The following ALKBH1 variants were observed in gnomAD, a reference collection of about 807,000 sequenced individuals.
ALKBH1 encodes the protein nucleic acid dioxygenase ALKBH1.
A neutral mutation model predicts 36.6 loss-of-function variants in ALKBH1; 31 were observed. That is an observed-to-expected ratio of 0.85 (90% CI 0.64 to 1.14). The LOEUF (loss-of-function observed/expected upper bound fraction) is 1.14, where lower values mean the gene tolerates loss of function less well. Among genes scored for constraint, ALKBH1 ranks in the 50% most tolerant of loss-of-function variants. ALKBH1 has a pLI of 0.00. For missense variants in ALKBH1, 490 were observed against 497.3 expected (o/e 0.99, Z 0.14); for synonymous variants, 183 against 186.6 (o/e 0.98, Z 0.16).
At chr14:77,678,225 T>C (rs184423279) in intron 4 of ALKBH1, among the ~76,000 whole-genome samples, 4 of 151,706 alleles carry the variant, frequency 2.6e-5, no homozygotes, top group Admixed American at 6.6e-5. Context: ...GTAGGCACTA[T>C]CATTACCGGA....
intron 3 of ALKBH1, 56 bp downstream of exon 3, chr14:77,694,682 G>T: frequency 7.3e-7 from 1 of 1,371,374 alleles, no homozygotes. Flanking sequence ...TTCCTTCAAA[G>T]ACCTGTGATG....
chr14:77,689,575 A>G (rs1184203658), intron 3 of ALKBH1, among the ~76,000 whole-genome samples: 1 of 152,190 alleles, frequency 6.6e-6, no homozygotes, highest in African/African-American at 2.4e-5. Context: ...ATATACAAAG[A>G]ACTGTGGTAA....
At chr14:77,695,224 T>C (rs2080320804) in intron 2 of ALKBH1, among the ~76,000 whole-genome samples, 1 of 152,228 alleles carries the variant, frequency 6.6e-6, no homozygotes, top group African/African-American at 2.4e-5. Flanking sequence ...CGAGACTTCT[T>C]TACCTCCCTA....
At chr14:77,686,710 G>A (rs535420496) in intron 3 of ALKBH1, among the ~76,000 whole-genome samples, 12 of 152,200 alleles carry the variant, frequency 7.9e-5, no homozygotes, top group Admixed American at 2.6e-4. Flanking sequence ...TGCAACCTCC[G>A]CCTCCTGGGT....
intron 2 of ALKBH1, among the ~76,000 whole-genome samples, chr14:77,699,201 C>A (rs2080345297): frequency 6.6e-6 from 1 of 152,132 alleles, no homozygotes; most frequent in African/African-American, 2.4e-5. Flanking sequence ...TTTGCCAAGT[C>A]CTGGCGTAGA....
At position 77,675,366 on chromosome 14, in the gene ALKBH1, G is replaced by A. The variant is rs566779630; in HGVS notation, c.740+290C>T. On this transcript the variant is annotated intron_variant, in intron 5 of 5. Coordinates refer to ENST00000216489, the MANE Select transcript of ALKBH1 (RefSeq NM_006020.3). ...GGAGAATCACTTGAAACTGGGAGGC[G>A]GAGGTTGAAGTGAGCTGAGATCAAG... Among the ~76,000 whole-genome samples the A allele has an allele frequency of 1.1e-4, 16 of 152,034 alleles. No homozygotes were observed. The East Asian group carries it at 1.7e-3, about 17-fold the overall frequency.
chr14:77,684,740 G>T (rs897936938), intron 3 of ALKBH1, among the ~76,000 whole-genome samples: 2 of 152,126 alleles, frequency 1.3e-5, no homozygotes, highest in African/African-American at 2.4e-5. Flanking sequence ...TAGAGACGGG[G>T]TCTCTCTATG....
chr14:77,696,796 G>A (rs1380412900), intron 2 of ALKBH1: 1 of 152,636 alleles, frequency 6.6e-6, no homozygotes, highest in African/African-American at 2.4e-5. Flanking sequence ...AAGATATCCT[G>A]CTGGTGGAGG....
At chr14:77,681,475 T>C (rs1443508680) in intron 3 of ALKBH1, among the ~76,000 whole-genome samples, 4 of 152,238 alleles carry the variant, frequency 2.6e-5, no homozygotes, top group Admixed American at 2.6e-4. Flanking sequence ...TCTTGATGTT[T>C]GACGAAGAGT....
Position 77,707,811 on chromosome 14 carries a change from T to A in ALKBH1, c.183+11A>T. ...GCGATGGAGAGACGCGCGCCACTCC[T>A]CTCTCTGTACCTTTTGGGCACCAGG... On this transcript the variant is annotated intron_variant, in intron 1 of 5. Coordinates refer to ENST00000216489, the MANE Select transcript of ALKBH1 (RefSeq NM_006020.3). 1 of 1,579,634 alleles carries A rather than the reference T, an allele frequency of 6.3e-7. No individual in the cohort carries two copies. The highest frequency in any genetic ancestry group is 8.6e-7 in the Non-Finnish European group (1 of 1,161,308).
chr14:77,703,293 C>T (rs1448865489), intron 2 of ALKBH1, among the ~76,000 whole-genome samples: 1 of 149,528 alleles, frequency 6.7e-6, no homozygotes, highest in Non-Finnish European at 1.5e-5. Context: ...CCTATTAGGA[C>T]TTTCTTTTTT....
intron 3 of ALKBH1, among the ~76,000 whole-genome samples, chr14:77,688,600 T>C (rs2139853290): frequency 6.8e-6 from 1 of 147,280 alleles, no homozygotes; most frequent in Admixed American, 6.9e-5. Flanking sequence ...TCGCGCAGGC[T>C]GGAGTAGAGT....
At chr14:77,683,295 G>A in intron 3 of ALKBH1, 1 of 755,644 alleles carries the variant, frequency 1.3e-6, no homozygotes, top group Non-Finnish European at 2.4e-6. Context: ...GGGCAGGCTG[G>A]CACTTCAGTT....
At chr14:77,685,191 C>T (rs2080261129) in intron 3 of ALKBH1, among the ~76,000 whole-genome samples, 1 of 152,102 alleles carries the variant, frequency 6.6e-6, no homozygotes, top group African/African-American at 2.4e-5. Context: ...GCCTGCAATC[C>T]CAGCACTTTG....
intron 1 of ALKBH1, among the ~76,000 whole-genome samples, 154 bp from the exon 2 acceptor site, chr14:77,704,631 G>A (rs1178035492): frequency 1.3e-5 from 2 of 152,216 alleles, no homozygotes; most frequent in Non-Finnish European, 2.9e-5. Flanking sequence ...CGAGTGCAGA[G>A]GCATGATCAT....
At chr14:77,692,053 ACT>A (rs1434418682) in intron 3 of ALKBH1, 3 of 152,124 alleles carry the variant, frequency 2.0e-5, no homozygotes, top group African/African-American at 7.2e-5. Context: ...TCTTCTCTTT[ACT>A]CTGTTAGAAT....
chr14:77,693,985 TCAAAAAA>T (rs1173667867), intron 3 of ALKBH1, among the ~76,000 whole-genome samples: 2 of 152,228 alleles, frequency 1.3e-5, no homozygotes, highest in Non-Finnish European at 2.9e-5. Flanking sequence ...AGACTCTGTC[TCAAAAAA>T]CAAAAAACAA....
At position 77,675,759 on chromosome 14, in the gene ALKBH1, G is replaced by A. The variant is rs765650878; in HGVS notation, c.637C>T (p.Arg213Ter). 3.7e-6 allele frequency: 6 copies of A among 1,613,978 alleles called. No homozygotes were observed. Among genetic ancestry groups the A allele is most frequent in the East Asian group, 4.5e-5 (2 of 44,886 alleles). ...TAATTCAGGATCCCTGCTTCAGCTC[G>A]GAAATCCTCAAATCCACAGGCAGCG... ...VAAACGFEDF[R>*]AEAGILNYYR... The change falls in exon 5 of 6, where the codon CGA (arginine) becomes TGA (stop). Residue 213 changes from arginine to a stop codon, truncating the protein, a stop_gained. Transcript: ENST00000216489. LOFTEE classifies it high-confidence loss of function.
At chr14:77,679,522 C>A (rs2080225023) in intron 4 of ALKBH1, among the ~76,000 whole-genome samples, 2 of 152,136 alleles carry the variant, frequency 1.3e-5, no homozygotes, top group African/African-American at 4.8e-5. Flanking sequence ...CCTCCACCTC[C>A]TGGGTCCAAG....
Sources: allele counts gnomAD v4.1 joint callset (sites outside exome capture counted in the v4.1 genomes callset), GRCh38; gene constraint gnomAD v4.1.1; transcripts MANE v1.5; gene names NCBI Gene and HGNC (gene_info 2026-07-23, HGNC 2026-07-21).